ANGPT1: variants seen among roughly 807,000 people sequenced by gnomAD.
The protein encoded by ANGPT1 is angiopoietin 1, also known as angiopoietin-1.
Under a neutral mutation model 62.2 loss-of-function variants are expected in ANGPT1, and 17 were observed. That is an observed-to-expected ratio of 0.27 (90% CI 0.19 to 0.41). The LOEUF is 0.41. ANGPT1 is among the 10% of genes least tolerant of loss of function. ANGPT1 has a pLI of 1.00. For synonymous variants in ANGPT1, 199 were observed against 198.9 expected (o/e 1.00, Z 0.00); for missense variants, 478 against 594.9 (o/e 0.80, Z 2.04).
At chr8:107,258,393 A>T (rs1245414323) in intron 8 of ANGPT1, among the ~76,000 whole-genome samples, 1 of 152,184 alleles carries the variant, frequency 6.6e-6, no homozygotes, top group Non-Finnish European at 1.5e-5. Context: ...TATGTTATTA[A>T]ATATAAATCA....
chr8:107,456,678 G>T (rs2130466529), intron 1 of ANGPT1, among the ~76,000 whole-genome samples: 1 of 152,108 alleles, frequency 6.6e-6, no homozygotes. Context: ...AATGTTAAAT[G>T]TGACCTTTTA....
At chr8:107,458,906 G>T (rs1039476799) in intron 1 of ANGPT1, among the ~76,000 whole-genome samples, 2 of 151,730 alleles carry the variant, frequency 1.3e-5, no homozygotes, top group African/African-American at 2.4e-5. Flanking sequence ...GGCCCCAAAA[G>T]TTTAAGTAAC....
In ANGPT1 at chr8:107,347,106, G is replaced by A; in HGVS notation, c.298-9C>T. The A allele has an allele frequency of 6.2e-7, 1 of 1,611,786 alleles. No individual in the cohort carries two copies. The highest frequency in any genetic ancestry group is 8.5e-7 in the Non-Finnish European group (1 of 1,178,706). On this transcript the variant is annotated splice_polypyrimidine_tract_variant and intron_variant, in intron 1 of 8. Transcript: ENST00000517746. Reference sequence around the variant, plus strand: ...ACAATGTAATTCTCAAGCTGCAAGAGATAAAGAACAAAACATATTACATTA... The same window carrying A: ...ACAATGTAATTCTCAAGCTGCAAGAAATAAAGAACAAAACATATTACATTA...
chr8:107,414,453 A>G (rs988924978), intron 1 of ANGPT1, among the ~76,000 whole-genome samples: 1 of 152,200 alleles, frequency 6.6e-6, no homozygotes, highest in Non-Finnish European at 1.5e-5. Context: ...CTATAAATAT[A>G]TACACTTATT....
intron 1 of ANGPT1, among the ~76,000 whole-genome samples, chr8:107,483,052 T>C (rs923777605): frequency 6.6e-6 from 1 of 152,194 alleles, no homozygotes; most frequent in Admixed American, 6.5e-5. Context: ...AATAGGCTTA[T>C]AGAGTTTATT....
rs144851002 is a variant in ANGPT1 at position 107,484,645 on chromosome 8, A to G, written c.297+12617T>C. The stretch of plus-strand genomic sequence containing the variant: ...GGCTGGTCTTGAACTTTTGGGCTCA[A>G]TCCACCAGTCTTGGCCTCCGAAAGT... On this transcript the variant is annotated intron_variant, in intron 1 of 8. Coordinates refer to ENST00000517746, the MANE Select transcript of ANGPT1 (RefSeq NM_001146.5). 8.6e-4 allele frequency among the ~76,000 whole-genome samples: 131 copies of G among 152,260 alleles called. No homozygotes were observed. The East Asian group carries it at 0.02, about 23-fold the overall frequency.
At chr8:107,286,492 T>C (rs1814144665) in intron 6 of ANGPT1, among the ~76,000 whole-genome samples, 1 of 152,178 alleles carries the variant, frequency 6.6e-6, no homozygotes, top group African/African-American at 2.4e-5. Context: ...CATTCTACTA[T>C]GGGAAAGTTT....
At chr8:107,364,711 T>C (rs1008403256) in intron 1 of ANGPT1, among the ~76,000 whole-genome samples, 1 of 152,248 alleles carries the variant, frequency 6.6e-6, no homozygotes, top group Non-Finnish European at 1.5e-5. Context: ...TGTAAGTATC[T>C]GACATTTGCA....
chr8:107,417,327 G>T (rs1056406440), intron 1 of ANGPT1, among the ~76,000 whole-genome samples: 1 of 152,132 alleles, frequency 6.6e-6, no homozygotes, highest in African/African-American at 2.4e-5. Context: ...ATGATGTCAG[G>T]TAGAATGGAT....
At chr8:107,339,040 A>T (rs954846943) in intron 2 of ANGPT1, among the ~76,000 whole-genome samples, 1 of 152,210 alleles carries the variant, frequency 6.6e-6, no homozygotes, top group Non-Finnish European at 1.5e-5. Flanking sequence ...GACACCAAAA[A>T]TTTTAATTTC....
At chr8:107,491,290 T>G (rs1307898896) in intron 1 of ANGPT1, among the ~76,000 whole-genome samples, 2 of 152,182 alleles carry the variant, frequency 1.3e-5, no homozygotes, top group African/African-American at 2.4e-5. Flanking sequence ...TCATCCACTC[T>G]TCTAGGTAGA....
chr8:107,384,452 A>T (rs1025565567), intron 1 of ANGPT1, among the ~76,000 whole-genome samples: 1 of 29,378 alleles, frequency 3.4e-5, no homozygotes, highest in Admixed American at 3.7e-4. Context: ...GTTAATTACA[A>T]AAAAAAAATA....
intron 1 of ANGPT1, among the ~76,000 whole-genome samples, chr8:107,410,152 G>A (rs888490404): frequency 2.0e-5 from 3 of 152,186 alleles, no homozygotes; most frequent in Non-Finnish European, 4.4e-5. Context: ...ACAAAGGTCA[G>A]AGGGGTCAAG....
rs149930759 is a variant in ANGPT1 at position 107,370,407 on chromosome 8, A to AGAAG, written c.298-23311_298-23310insCTTC. ...AAGAAAGAAAGAAAGAAAGAAAGAA[A>AGAAG]GAGTCAGGGTCAGTGGCTCAGGCCT... On this transcript the variant is annotated intron_variant, in intron 1 of 8. Coordinates refer to ENST00000517746, the MANE Select transcript of ANGPT1 (RefSeq NM_001146.5). 6.1e-4 allele frequency among the ~76,000 whole-genome samples: 44 copies of AGAAG among 71,972 alleles called. 9 individuals carry two copies. Among genetic ancestry groups the AGAAG allele is most frequent in the African/African-American group, 1.9e-3 (40 of 21,066 alleles). 47.2% of individuals were successfully genotyped at this position (71,972 alleles called of 152,430 possible). A position where few individuals can be genotyped will look rare whatever the true frequency, so the allele number is the denominator to read the frequency against.
chr8:107,349,568 T>C (rs1338504150), intron 1 of ANGPT1, among the ~76,000 whole-genome samples: 1 of 152,172 alleles, frequency 6.6e-6, no homozygotes, highest in African/African-American at 2.4e-5. Context: ...TTGCCTACTA[T>C]GCAACAGGCA....
chr8:107,426,906 G>C (rs1811055357), intron 1 of ANGPT1, among the ~76,000 whole-genome samples: 1 of 152,170 alleles, frequency 6.6e-6, no homozygotes, highest in South Asian at 2.1e-4. Flanking sequence ...GTGTGGTGCT[G>C]GATGGAGTTG....
At chr8:107,487,091 G>A (rs1012187410) in intron 1 of ANGPT1, among the ~76,000 whole-genome samples, 7 of 151,876 alleles carry the variant, frequency 4.6e-5, no homozygotes, top group South Asian at 4.2e-4. Context: ...ATAGTCCCCC[G>A]TCCCTCACTG....
intron 1 of ANGPT1, among the ~76,000 whole-genome samples, chr8:107,488,919 A>C (rs1812885490): frequency 6.6e-6 from 1 of 152,174 alleles, no homozygotes; most frequent in African/African-American, 2.4e-5. Context: ...TTTCATCTTT[A>C]AGGGTTTAGA....
chr8:107,266,396 A>C (rs974702577), intron 7 of ANGPT1, among the ~76,000 whole-genome samples: 1 of 152,202 alleles, frequency 6.6e-6, no homozygotes, highest in African/African-American at 2.4e-5. Flanking sequence ...TCCAAGTAGG[A>C]ATATGGTGGG....
Sources: gnomAD v4.1 joint callset for allele counts (sites outside exome capture counted in the v4.1 genomes callset) on GRCh38, gnomAD v4.1.1 for gene constraint, MANE v1.5 for transcripts, NCBI Gene and HGNC (gene_info 2026-07-23, HGNC 2026-07-21) for gene names.